The following PPARD variants were observed in gnomAD, a reference collection of about 807,000 sequenced individuals.
The protein encoded by PPARD is peroxisome proliferator-activated receptor delta.
A neutral mutation model predicts 39.5 loss-of-function variants in PPARD; 6 were observed. That is an observed-to-expected ratio of 0.15 (90% CI 0.08 to 0.30). PPARD has a LOEUF of 0.30. Among genes scored for constraint, PPARD ranks in the 10% least tolerant of loss-of-function variants. PPARD has a pLI of 1.00. For missense variants in PPARD, 397 were observed against 596.8 expected, an observed-to-expected ratio of 0.67 and a Z score of 3.49; for synonymous variants, 210 against 231.3, an observed-to-expected ratio of 0.91 and a Z score of 0.83.
At chr6:35,418,690 T>C (rs1765940881) in intron 3 of PPARD, among the ~76,000 whole-genome samples, 1 of 112,592 alleles carries the variant, frequency 8.9e-6, no homozygotes, top group Admixed American at 9.6e-5. Context: ...TGTCCCAGTC[T>C]GGGTCAAGAG....
At chr6:35,392,732 C>T (rs907821505) in intron 2 of PPARD, among the ~76,000 whole-genome samples, 1 of 152,114 alleles carries the variant, frequency 6.6e-6, no homozygotes, top group South Asian at 2.1e-4. Flanking sequence ...GCTGTGACAG[C>T]GACTCTGGAG....
At chr6:35,399,567 T>C (rs1764566559) in intron 2 of PPARD, among the ~76,000 whole-genome samples, 1 of 151,524 alleles carries the variant, frequency 6.6e-6, no homozygotes, top group Middle Eastern at 3.2e-3. Flanking sequence ...ATACAAAAAT[T>C]AGTTGGGTGT....
rs201971336 is a variant in PPARD, at chr6:35,411,067, G to T, written c.-21G>T. On this transcript the variant is annotated 5_prime_UTR_variant, in exon 3 of 8. Coordinates refer to ENST00000360694, the MANE Select transcript of PPARD (RefSeq NM_006238.5). ...GAGCTATGACTGGGCCTGCAGGTGT[G>T]GCGCCGAGGGGAGATCAGCCATGGA... 811 of 1,487,756 alleles carry T rather than the reference G, an allele frequency of 5.5e-4. 4 individuals are homozygous for T. The highest frequency in any genetic ancestry group is 1.8e-3 in the Middle Eastern group (10 of 5,498). The allele number at this position is 1,487,756 out of a possible 1,614,324, so 92.2% of individuals were successfully genotyped here.
chr6:35,370,302 G>C (rs1398234049), intron 2 of PPARD, among the ~76,000 whole-genome samples: 1 of 152,160 alleles, frequency 6.6e-6, no homozygotes, highest in African/African-American at 2.4e-5. Flanking sequence ...GTTGCCCTTA[G>C]AAAGGCTGCA....
At chr6:35,391,973 A>G (rs1042319964) in intron 2 of PPARD, among the ~76,000 whole-genome samples, 1 of 151,990 alleles carries the variant, frequency 6.6e-6, no homozygotes, top group African/African-American at 2.4e-5. Context: ...TGATTGTGGC[A>G]CTGACCACTC....
chr6:35,392,896 G>A (rs896344018), intron 2 of PPARD, among the ~76,000 whole-genome samples: 7 of 152,124 alleles, frequency 4.6e-5, no homozygotes, highest in Non-Finnish European at 7.4e-5. Context: ...ATGTTACCCT[G>A]GTGTCCTTCC....
chr6:35,347,283 T>C (rs1792241119), intron 2 of PPARD, 133 bp downstream of exon 2: 1 of 1,062,528 alleles, frequency 9.4e-7, no homozygotes, highest in African/African-American at 1.6e-5. Context: ...TCACAGCATC[T>C]GGTACCAGTT....
chr6:35,374,183 C>T (rs557280373), intron 2 of PPARD, among the ~76,000 whole-genome samples: 5 of 152,074 alleles, frequency 3.3e-5, no homozygotes, highest in African/African-American at 9.6e-5. Context: ...GGACCTGAAC[C>T]GGCTCCAGAA....
rs1233691518 is a variant in PPARD at position 35,412,375 on chromosome 6, T to C, written c.130+1158T>C. ...ACTGCTGGGAGTAGACACCCTGCAC[T>C]CGCTGCTGCTTTCAGCTGCAGGAGA... On this transcript the variant is annotated intron_variant, in intron 3 of 7. Transcript: ENST00000360694. This position sits in a 1 kb window ranked among gnomAD's most constrained non-coding sequence, Gnocchi z 4.1. Among the ~76,000 whole-genome samples, 2 of 152,148 alleles carry C rather than the reference T, an allele frequency of 1.3e-5. No homozygotes were observed. Among genetic ancestry groups the C allele is most frequent in the Non-Finnish European group, 2.9e-5 (2 of 68,030 alleles).
intron 2 of PPARD, among the ~76,000 whole-genome samples, chr6:35,364,268 A>G (rs371236608): frequency 2.6e-5 from 4 of 152,036 alleles, no homozygotes; most frequent in East Asian, 3.8e-4. Flanking sequence ...TTGTGTGTAT[A>G]TATTCCATTT....
In PPARD at chr6:35,426,296, T is replaced by C; in HGVS notation, c.*217T>C. 1 of 604,636 alleles carries C rather than the reference T, an allele frequency of 1.7e-6. No individual in the cohort carries two copies. The highest frequency in any genetic ancestry group is 2.1e-5 in the South Asian group (1 of 47,584). The allele number at this position is 604,636 out of a possible 1,614,324, so 37.5% of individuals were successfully genotyped here. A position where few individuals can be genotyped will look rare whatever the true frequency, so the allele number is the denominator to read the frequency against. On this transcript the variant is annotated 3_prime_UTR_variant, in exon 8 of 8. Coordinates refer to ENST00000360694, the MANE Select transcript of PPARD (RefSeq NM_006238.5). ...TCTTCCTGTCTTTGTTGTCTCCCTC[T>C]TTCTCAGTTCCTCTTTCTTTTCTAA...
At chr6:35,383,719 C>T (rs532429216) in intron 2 of PPARD, among the ~76,000 whole-genome samples, 341 of 143,016 alleles carry the variant, frequency 2.4e-3, no homozygotes, top group Non-Finnish European at 4.4e-3. Context: ...TGCCCGGCCA[C>T]GACCCCGTCT....
rs562278821 is a variant in PPARD, at chr6:35,413,227, G to A, written c.130+2010G>A. On this transcript the variant is annotated intron_variant, in intron 3 of 7. Coordinates refer to ENST00000360694, the MANE Select transcript of PPARD (RefSeq NM_006238.5). ...AGGGGTAGGGTGAGGCAGGCATGGC[G>A]GTGACCTCTCAGGCAGCTTCGTTGT... Among the ~76,000 whole-genome samples, 9 of 152,316 alleles carry A rather than the reference G, an allele frequency of 5.9e-5. No homozygotes were observed. The South Asian group carries it at 8.3e-4, about 14-fold the overall frequency.
intron 2 of PPARD, among the ~76,000 whole-genome samples, chr6:35,391,882 C>G (rs963036806): frequency 6.6e-6 from 1 of 151,400 alleles, no homozygotes; most frequent in African/African-American, 2.4e-5. Context: ...AGCTAGGATT[C>G]AAACCCATTT....
At chr6:35,418,531 T>A (rs900795785) in intron 3 of PPARD, among the ~76,000 whole-genome samples, 4 of 152,230 alleles carry the variant, frequency 2.6e-5, no homozygotes, top group African/African-American at 9.6e-5. Flanking sequence ...CCTGCCCTTG[T>A]GGCCCTTTTG....
intron 2 of PPARD, among the ~76,000 whole-genome samples, chr6:35,373,801 G>A (rs773740602): frequency 1.1e-4 from 17 of 152,014 alleles, no homozygotes; most frequent in Non-Finnish European, 2.4e-4. Context: ...CCAAGATGCT[G>A]GGACTGCTGG....
intron 2 of PPARD, among the ~76,000 whole-genome samples, chr6:35,388,426 A>G (rs867395751): frequency 5.3e-5 from 8 of 152,242 alleles, no homozygotes; most frequent in Non-Finnish European, 1.0e-4. Flanking sequence ...TCTCAAAAAG[A>G]GGGGAGGCCG....
intron 2 of PPARD, among the ~76,000 whole-genome samples, chr6:35,407,013 C>A (rs1394710383): frequency 6.6e-6 from 1 of 152,196 alleles, no homozygotes; most frequent in African/African-American, 2.4e-5. Flanking sequence ...TTAATGGGGG[C>A]TGGCGAGGCT....
At chr6:35,351,151 G>A (rs1039342502) in intron 2 of PPARD, among the ~76,000 whole-genome samples, 1 of 151,612 alleles carries the variant, frequency 6.6e-6, no homozygotes, top group African/African-American at 2.4e-5. Context: ...TCAGCCTCCC[G>A]AGTAGCTGGG....
Sources: allele counts gnomAD v4.1 joint callset (sites outside exome capture counted in the v4.1 genomes callset), GRCh38; gene constraint gnomAD v4.1.1; non-coding constraint Gnocchi (gnomAD v3.1); transcripts MANE v1.5; gene names NCBI Gene and HGNC (gene_info 2026-07-23, HGNC 2026-07-21).